RANBP17: variants seen among roughly 807,000 people sequenced by gnomAD.
The protein encoded by RANBP17 is RAN binding protein 17.
RANBP17 carries 158 observed loss-of-function variants against 141.2 expected under a neutral mutation model. The ratio of observed to expected loss-of-function variants is 1.12; its 90% CI spans 0.98 to 1.28. RANBP17 has a LOEUF of 1.28. Ranked by LOEUF, RANBP17 falls within the 50% of genes most tolerant of loss-of-function variation. The pLI is 0.00. For missense variants in RANBP17, 1,438 were observed against 1,290.7 expected (o/e 1.11, Z -1.75); for synonymous variants, 430 against 450.0 (o/e 0.96, Z 0.56).
At chr5:170,931,563 C>A (rs927181407) in intron 12 of RANBP17, among the ~76,000 whole-genome samples, 2 of 152,166 alleles carry the variant, frequency 1.3e-5, no homozygotes, top group Non-Finnish European at 2.9e-5. Flanking sequence ...AGTCTTTAAT[C>A]CATCTTGAAT....
At chr5:170,964,075 G>C (rs193074102) in intron 13 of RANBP17, among the ~76,000 whole-genome samples, 1 of 152,124 alleles carries the variant, frequency 6.6e-6, no homozygotes, top group East Asian at 1.9e-4. Flanking sequence ...CTAATTTTCT[G>C]TCATCCTGAA....
chr5:171,222,246 T>G lies in RANBP17; in HGVS notation c.2422+406T>G, dbSNP rs1474171030. Among the ~76,000 whole-genome samples the G allele has an allele frequency of 2.0e-5, 3 of 152,214 alleles. No homozygotes were observed. In the South Asian group the frequency reaches 6.2e-4, roughly 32 times the overall value. ...TTGTAAAGAGCAGTAAATATTTCAT[T>G]ATGAAGAACTTTTGGGTACTGCGCC... On this transcript the variant is annotated intron_variant, in intron 22 of 27. Transcript: ENST00000523189.
intron 14 of RANBP17, among the ~76,000 whole-genome samples, chr5:171,103,820 C>G (rs919129667): frequency 1.3e-5 from 2 of 152,144 alleles, no homozygotes; most frequent in African/African-American, 4.8e-5. Context: ...CCTCAAGGCA[C>G]AGTTCCTCAG....
chr5:171,140,963 T>C (rs1757648038), intron 14 of RANBP17, among the ~76,000 whole-genome samples: 1 of 152,178 alleles, frequency 6.6e-6, no homozygotes, highest in Non-Finnish European at 1.5e-5. Flanking sequence ...ATTGAATGAA[T>C]TAATGAAAAG....
chr5:171,080,217 T>C (rs745745884), intron 14 of RANBP17, among the ~76,000 whole-genome samples: 1 of 147,580 alleles, frequency 6.8e-6, no homozygotes, highest in South Asian at 2.3e-4. Flanking sequence ...ATACTAGTGA[T>C]ATATTATCTT....
chr5:171,109,449 A>G (rs1408327141), intron 14 of RANBP17, among the ~76,000 whole-genome samples: 3 of 152,168 alleles, frequency 2.0e-5, no homozygotes, highest in Non-Finnish European at 4.4e-5. Flanking sequence ...TTTAATTGTA[A>G]TTTGACTATG....
chr5:170,912,831 G>A (rs1393987067), intron 7 of RANBP17, among the ~76,000 whole-genome samples: 1 of 151,920 alleles, frequency 6.6e-6, no homozygotes, highest in East Asian at 1.9e-4. Flanking sequence ...GAGTTCTGAA[G>A]GGTATGCATT....
intron 24 of RANBP17, among the ~76,000 whole-genome samples, chr5:171,259,367 G>T (rs954707277): frequency 2.6e-5 from 4 of 152,130 alleles, no homozygotes; most frequent in Non-Finnish European, 5.9e-5. Context: ...CTACTACTGG[G>T]AGTATATCCA....
chr5:170,916,430 G>C, intron 8 of RANBP17, 35 bp from the exon 9 acceptor site: 1 of 1,495,072 alleles, frequency 6.7e-7, no homozygotes, highest in Non-Finnish European at 9.0e-7. Flanking sequence ...CAGATACTTT[G>C]AAAATTGAAA....
intron 19 of RANBP17, among the ~76,000 whole-genome samples, chr5:171,200,549 T>C (rs1762240665): frequency 6.6e-6 from 1 of 152,198 alleles, no homozygotes; most frequent in South Asian, 2.1e-4. Context: ...TTGACACTGA[T>C]TATTATTTTT....
intron 16 of RANBP17, among the ~76,000 whole-genome samples, chr5:171,177,334 T>C (rs1265251586): frequency 6.6e-6 from 1 of 152,170 alleles, no homozygotes; most frequent in Non-Finnish European, 1.5e-5. Context: ...ACCTTGAGTA[T>C]TGTTTTGATC....
At chr5:170,944,304 T>C (rs966822394) in intron 12 of RANBP17, among the ~76,000 whole-genome samples, 7 of 152,260 alleles carry the variant, frequency 4.6e-5, no homozygotes, top group African/African-American at 1.7e-4. Flanking sequence ...GGTCTCACTG[T>C]CACCTAGGCT....
In RANBP17 at chr5:171,022,195, G is replaced by T. The variant is rs150277690; in HGVS notation, c.1710+53818G>T. Among the ~76,000 whole-genome samples, 619 of 152,264 alleles carry T rather than the reference G, an allele frequency of 4.1e-3. 5 individuals are homozygous for T. The highest frequency in any genetic ancestry group is 0.014 in the African/African-American group (597 of 41,566). ...CTCCTTCTCAGATCTTTGACTTTGA[G>T]GGGCGCCAACCTGATGCCCGTAGGA... On this transcript the variant is annotated intron_variant, in intron 14 of 27. Coordinates refer to ENST00000523189, the MANE Select transcript of RANBP17 (RefSeq NM_022897.5).
chr5:171,171,829 TC>T (rs1760120865), intron 16 of RANBP17, among the ~76,000 whole-genome samples: 1 of 151,954 alleles, frequency 6.6e-6, no homozygotes, highest in Admixed American at 6.6e-5. Context: ...CCCCACCAAA[TC>T]AACATCTAAT....
chr5:171,036,563 G>C (rs1268496607), intron 14 of RANBP17, among the ~76,000 whole-genome samples: 2 of 152,120 alleles, frequency 1.3e-5, no homozygotes, highest in African/African-American at 4.8e-5. Flanking sequence ...CTGGAAGTGA[G>C]CATACTACCC....
At chr5:171,272,764 AC>A (rs1469861375) in intron 25 of RANBP17, among the ~76,000 whole-genome samples, 1 of 152,154 alleles carries the variant, frequency 6.6e-6, no homozygotes, top group Non-Finnish European at 1.5e-5. Flanking sequence ...GTCATTCTAT[AC>A]CCCAGCATTA....
At chr5:171,112,131 A>T (rs1755277486) in intron 14 of RANBP17, among the ~76,000 whole-genome samples, 1 of 152,062 alleles carries the variant, frequency 6.6e-6, no homozygotes, top group South Asian at 2.1e-4. Flanking sequence ...TATTGTTCTT[A>T]CTTCTGTTCA....
At chr5:170,862,084 C>T (rs1766829612) in intron 1 of RANBP17, 33 bp downstream of exon 1, 1 of 1,442,084 alleles carries the variant, frequency 6.9e-7, no homozygotes, top group Non-Finnish European at 9.1e-7. Context: ...GCCCGCGCTC[C>T]GCCACGCTGG....
rs575767625 is a variant in RANBP17 at position 171,065,872 on chromosome 5, A to AT, written c.1710+97501dup. Among the ~76,000 whole-genome samples, 1,134 of 150,692 alleles carry AT rather than the reference A, an allele frequency of 7.5e-3. 12 individuals are homozygous for AT. The highest frequency in any genetic ancestry group is 0.026 in the African/African-American group (1,073 of 41,020). ...AGCTATTCTTGTGTTTATTTTTATT[A>AT]TTTTTTGAGACGGAGTCTCACTCTG... On this transcript the variant is annotated intron_variant, in intron 14 of 27. Coordinates refer to ENST00000523189, the MANE Select transcript of RANBP17 (RefSeq NM_022897.5).
Sources: gnomAD v4.1 joint callset for allele counts (sites outside exome capture counted in the v4.1 genomes callset) on GRCh38, gnomAD v4.1.1 for gene constraint, MANE v1.5 for transcripts, NCBI Gene and HGNC (gene_info 2026-07-23, HGNC 2026-07-21) for gene names.